The following ARMC3 variants were observed in gnomAD, a reference collection of about 807,000 sequenced individuals.
The protein encoded by ARMC3 is armadillo repeat-containing protein 3.
A neutral mutation model predicts 90.3 loss-of-function variants in ARMC3; 74 were observed. That is an observed-to-expected ratio of 0.82 (90% confidence interval 0.68 to 0.99). The LOEUF is 0.99. Ranked by LOEUF, ARMC3 falls within the 50% of genes least tolerant of loss-of-function variation. The pLI is 0.00. For missense variants in ARMC3, 958 were observed against 1,042.8 expected, an observed-to-expected ratio of 0.92 and a Z score of 1.12; for synonymous variants, 334 against 361.8, an observed-to-expected ratio of 0.92 and a Z score of 0.87.
At chr10:22,954,164 G>T (rs1834837955) in intron 3 of ARMC3, among the ~76,000 whole-genome samples, 1 of 152,066 alleles carries the variant, frequency 6.6e-6, no homozygotes, top group Non-Finnish European at 1.5e-5. Context: ...ATCCTCTTTG[G>T]TGATGTATCT....
intron 10 of ARMC3, among the ~76,000 whole-genome samples, chr10:22,983,698 G>C (rs954412708): frequency 6.6e-6 from 1 of 152,108 alleles, no homozygotes; most frequent in Admixed American, 6.6e-5. Context: ...AATCAAATTT[G>C]ACAGATTTAT....
Position 22,985,092 on chromosome 10 carries a change from A to G in ARMC3, c.1175+3392A>G, listed in dbSNP as rs376398001. The stretch of plus-strand genomic sequence containing the variant: ...TTTTTTTTAGAGATGGGGTCTTACC[A>G]TGTTGCCCAGGCTGGTCTCTCAAAC... On this transcript the variant is annotated intron_variant, in intron 10 of 18. Transcript: ENST00000298032. Among the ~76,000 whole-genome samples the G allele has an allele frequency of 1.9e-4, 23 of 119,978 alleles. No homozygotes were observed. In the East Asian group the frequency reaches 3.7e-3, roughly 19 times the overall value. The allele number at this position is 119,978 out of a possible 152,430, so 78.7% of individuals were successfully genotyped here.
chr10:22,928,892 T>C (rs2131098399), intron 1 of ARMC3, among the ~76,000 whole-genome samples: 1 of 152,186 alleles, frequency 6.6e-6, no homozygotes, highest in Admixed American at 6.5e-5. Context: ...AAGGTGAAAG[T>C]AGGGGATAGA....
chr10:22,946,120 G>T, intron 2 of ARMC3, 24 bp from the exon 3 acceptor site: 1 of 1,481,016 alleles, frequency 6.8e-7, no homozygotes, highest in South Asian at 1.2e-5. Flanking sequence ...ATGTGAAACT[G>T]ATAGTTTTCT....
At chr10:23,008,415 C>A in intron 15 of ARMC3, 41 bp downstream of exon 15, 1 of 1,044,298 alleles carries the variant, frequency 9.6e-7, no homozygotes, top group Non-Finnish European at 1.4e-6. Flanking sequence ...ACAGCTTCCC[C>A]TTTAATTTGA....
intron 1 of ARMC3, among the ~76,000 whole-genome samples, chr10:22,928,535 T>C (rs1023903506): frequency 6.6e-6 from 1 of 152,104 alleles, no homozygotes; most frequent in Non-Finnish European, 1.5e-5. Context: ...ATGGCTCCAG[T>C]AGTCAAGAAG....
At chr10:23,008,693 ATATAATGAAGTAAAAATTG>A in intron 15 of ARMC3, 103 bp from the exon 16 acceptor site, 1 of 817,636 alleles carries the variant, frequency 1.2e-6, no homozygotes, top group Non-Finnish European at 1.9e-6. Context: ...GAATCAAGTT[ATATAATGAAGTAAAAATTG>A]TATAATGAAG....
chr10:22,932,538 A>G (rs1048033043), intron 2 of ARMC3, among the ~76,000 whole-genome samples: 1 of 152,238 alleles, frequency 6.6e-6, no homozygotes, highest in African/African-American at 2.4e-5. Flanking sequence ...ATGCTAAGTA[A>G]TTCATTCCCC....
intron 6 of ARMC3, 183 bp downstream of exon 6, chr10:22,959,757 C>A: frequency 1.5e-6 from 1 of 681,766 alleles, no homozygotes. Flanking sequence ...TTTCAATTTT[C>A]ACATTTTGTA....
At chr10:22,977,148 T>C (rs1485664478) in intron 8 of ARMC3, among the ~76,000 whole-genome samples, 1 of 152,246 alleles carries the variant, frequency 6.6e-6, no homozygotes, top group Non-Finnish European at 1.5e-5. Context: ...TTGGTATCCA[T>C]GTTCTTCAAA....
intron 3 of ARMC3, among the ~76,000 whole-genome samples, chr10:22,954,510 A>G (rs894492818): frequency 7.5e-6 from 1 of 133,432 alleles, no homozygotes; most frequent in Non-Finnish European, 1.5e-5. Context: ...AAAAAATTCG[A>G]AAAAAAAAAA....
intron 10 of ARMC3, among the ~76,000 whole-genome samples, chr10:22,996,425 A>G (rs1414016362): frequency 1.3e-5 from 2 of 152,190 alleles, no homozygotes; most frequent in African/African-American, 2.4e-5. Context: ...GTAGAGGTCA[A>G]TTTTGGTTAC....
chr10:22,985,329 G>T (rs529392748), intron 10 of ARMC3, among the ~76,000 whole-genome samples: 3 of 152,202 alleles, frequency 2.0e-5, no homozygotes, highest in African/African-American at 7.2e-5. Context: ...GGGGCTACTT[G>T]TCCCACTCAC....
In ARMC3 at chr10:23,006,928, A is replaced by G; in HGVS notation, c.1776A>G (p.Leu592=). ...TKLLPLKELC[L]QEPSDLRAVL... The stretch of plus-strand genomic sequence containing the variant: ...TGTTGCCTTTGAAGGAGCTCTGCTT[A>G]CAAGAACCAAGTGACCTACGGGCTG... Residue 592 remains leucine, a synonymous_variant, in exon 14 of 19, where the codon TTA becomes TTG. Transcript: ENST00000298032. The G allele has an allele frequency of 6.2e-7, 1 of 1,613,998 alleles. No homozygotes were observed. The highest frequency in any genetic ancestry group is 8.5e-7 in the Non-Finnish European group (1 of 1,179,950).
intron 1 of ARMC3, among the ~76,000 whole-genome samples, chr10:22,931,450 A>G (rs1475292015): frequency 3.9e-5 from 6 of 152,234 alleles, no homozygotes; most frequent in Non-Finnish European, 8.8e-5. Flanking sequence ...AAAGGACACA[A>G]ATGTTGATTC....
chr10:22,942,798 A>G (rs1048889497), intron 2 of ARMC3, among the ~76,000 whole-genome samples: 1 of 152,208 alleles, frequency 6.6e-6, no homozygotes, highest in Non-Finnish European at 1.5e-5. Flanking sequence ...ATTCATTGTG[A>G]CCTATGATTT....
intron 1 of ARMC3, among the ~76,000 whole-genome samples, chr10:22,930,746 C>A (rs1833896399): frequency 6.6e-6 from 1 of 152,112 alleles, no homozygotes; most frequent in African/African-American, 2.4e-5. Context: ...CAAGGATTTT[C>A]TACTTCCTAG....
chr10:22,975,937 C>T (rs140055004), intron 8 of ARMC3, among the ~76,000 whole-genome samples: 1 of 152,288 alleles, frequency 6.6e-6, no homozygotes, highest in Non-Finnish European at 1.5e-5. Context: ...TCATGGAATG[C>T]AGAGGACTCT....
chr10:23,004,657 A>G (rs1028706543), intron 13 of ARMC3, among the ~76,000 whole-genome samples: 2 of 152,176 alleles, frequency 1.3e-5, no homozygotes, highest in Non-Finnish European at 2.9e-5. Context: ...CAGAGGAGAC[A>G]GGGCCATAAG....
Sources: allele counts gnomAD v4.1 joint callset (sites outside exome capture counted in the v4.1 genomes callset), GRCh38; gene constraint gnomAD v4.1.1; transcripts MANE v1.5; gene names NCBI Gene and HGNC (gene_info 2026-07-23, HGNC 2026-07-21).